Variants in VTA1 observed in about 807,000 individuals in gnomAD.
The protein encoded by VTA1 is vesicle trafficking 1, also known as vacuolar protein sorting-associated protein VTA1 homolog.
Under a neutral mutation model 36.9 loss-of-function variants are expected in VTA1, and 24 were observed. That is an observed-to-expected ratio of 0.65 (90% confidence interval 0.47 to 0.91). VTA1 has a LOEUF of 0.91. Among genes scored for constraint, VTA1 ranks in the 40% least tolerant of loss-of-function variants. The pLI is 0.00. For synonymous variants in VTA1, 142 were observed against 130.2 expected, an observed-to-expected ratio of 1.09 and a Z score of -0.62; for missense variants, 393 against 377.2, an observed-to-expected ratio of 1.04 and a Z score of -0.35.
At chr6:142,188,973 A>G (rs1009219460) in intron 4 of VTA1, among the ~76,000 whole-genome samples, 1 of 152,148 alleles carries the variant, frequency 6.6e-6, no homozygotes, top group African/African-American at 2.4e-5. Context: ...TCAGTCTAGC[A>G]TTTGCTTTAA....
intron 4 of VTA1, among the ~76,000 whole-genome samples, chr6:142,188,039 CT>C (rs1307936410): frequency 6.7e-6 from 1 of 149,890 alleles, no homozygotes; most frequent in African/African-American, 2.5e-5. Context: ...TTTTGAGTAG[CT>C]GGGATTACAG....
chr6:142,224,315 A>G lies in VTA1; in HGVS notation c.*5672A>G, dbSNP rs564593750. ...TCGACCCCTCGGCTATGTTATTTGT[A>G]TTGTGATATAGGGGATATTCGGAGT... On this transcript the variant is annotated 3_prime_UTR_variant, in exon 8 of 8. Coordinates refer to ENST00000367630, the MANE Select transcript of VTA1 (RefSeq NM_016485.5). 2.8e-4 allele frequency: 42 copies of G among 152,220 alleles called. No individual in the cohort carries two copies. The highest frequency in any genetic ancestry group is 9.4e-4 in the African/African-American group (39 of 41,514). The allele number at this position is 152,220 out of a possible 1,614,324, so 9.4% of individuals were successfully genotyped here.
chr6:142,210,286 AC>A (rs1252060852), intron 7 of VTA1, among the ~76,000 whole-genome samples: 1 of 152,222 alleles, frequency 6.6e-6, no homozygotes, highest in African/African-American at 2.4e-5. Flanking sequence ...TTAAAGACTT[AC>A]ATCTGAAACC....
chr6:142,202,582 T>G (rs1017501663), intron 6 of VTA1, among the ~76,000 whole-genome samples: 1 of 152,118 alleles, frequency 6.6e-6, no homozygotes, highest in South Asian at 2.1e-4. Context: ...TAAAGTATAG[T>G]ATGCAGAACT....
rs554021061 is a variant in VTA1, at chr6:142,172,636, T to C, written c.411+2215T>C. Among the ~76,000 whole-genome samples the C allele has an allele frequency of 1.7e-4, 26 of 152,326 alleles. No homozygotes were observed. The South Asian group carries it at 3.9e-3, about 23-fold the overall frequency. The stretch of plus-strand genomic sequence containing the variant: ...CTTTTTAACTCCCTTTTACCTCATC[T>C]CCTGTTATTAATGATCCAAATTTTC... On this transcript the variant is annotated intron_variant, in intron 4 of 7. Transcript: ENST00000367630.
chr6:142,159,921 T>C (rs1774765203), intron 1 of VTA1, among the ~76,000 whole-genome samples: 1 of 152,198 alleles, frequency 6.6e-6, no homozygotes, highest in South Asian at 2.1e-4. Flanking sequence ...CTCTAGTATG[T>C]TAATGTCACT....
At position 142,219,027 on chromosome 6, in the gene VTA1, T is replaced by C. The variant is rs746507451; in HGVS notation, c.*384T>C. The stretch of plus-strand genomic sequence containing the variant: ...ACAAACAGATGATATTACTTTGCTA[T>C]AAAATTATAAATGTAACTTTTAATA... On this transcript the variant is annotated 3_prime_UTR_variant, in exon 8 of 8. Coordinates refer to ENST00000367630, the MANE Select transcript of VTA1 (RefSeq NM_016485.5). The C allele has an allele frequency of 3.5e-4, 53 of 153,572 alleles. No individual in the cohort carries two copies. Among genetic ancestry groups the C allele is most frequent in the Non-Finnish European group, 7.2e-5 (5 of 68,972 alleles). The allele number at this position is 153,572 out of a possible 1,614,324, so 9.5% of individuals were successfully genotyped here.
chr6:142,209,574 A>G (rs1775859897), intron 7 of VTA1, among the ~76,000 whole-genome samples: 1 of 150,916 alleles, frequency 6.6e-6, no homozygotes, highest in Non-Finnish European at 1.5e-5. Context: ...AAGAAAAACT[A>G]TATAAAATTC....
At chr6:142,162,720 A>C (rs1206859901) in intron 1 of VTA1, among the ~76,000 whole-genome samples, 3 of 152,188 alleles carry the variant, frequency 2.0e-5, no homozygotes, top group African/African-American at 7.2e-5. Context: ...GATGTAATAA[A>C]AAATTTAGAG....
At chr6:142,147,426 T>A (rs752923492) in intron 1 of VTA1, 27 bp downstream of exon 1, 3 of 1,604,762 alleles carry the variant, frequency 1.9e-6, no homozygotes, top group Non-Finnish European at 2.6e-6. Context: ...GGCCGCGCCC[T>A]TTCTTTCCCA....
At chr6:142,166,748 C>T (rs1481664190) in intron 2 of VTA1, among the ~76,000 whole-genome samples, 1 of 152,030 alleles carries the variant, frequency 6.6e-6, no homozygotes, top group Non-Finnish European at 1.5e-5. Context: ...CAGCCTCCCA[C>T]GTAGCTAGGA....
intron 7 of VTA1, among the ~76,000 whole-genome samples, chr6:142,217,313 T>C (rs894282968): frequency 2.0e-5 from 3 of 152,154 alleles, no homozygotes; most frequent in Admixed American, 6.5e-5. Context: ...AGTTTTAAAA[T>C]GTGGGAAATA....
intron 1 of VTA1, among the ~76,000 whole-genome samples, chr6:142,158,468 A>C (rs1014964751): frequency 5.9e-5 from 9 of 152,170 alleles, no homozygotes; most frequent in Admixed American, 2.0e-4. Context: ...TGACTAAATG[A>C]ATACATGATC....
At chr6:142,189,881 C>T (rs1381871568) in intron 5 of VTA1, among the ~76,000 whole-genome samples, 6 of 151,984 alleles carry the variant, frequency 3.9e-5, no homozygotes, top group African/African-American at 1.5e-4. Flanking sequence ...CTCAGCCTCC[C>T]GAGTAGCTGG....
intron 1 of VTA1, 93 bp downstream of exon 1, chr6:142,147,492 C>G (rs540219425): frequency 2.1e-5 from 28 of 1,324,226 alleles, no homozygotes; most frequent in Admixed American, 1.4e-4. Flanking sequence ...GCCCCGCCCC[C>G]CTCGCTTTAA....
At chr6:142,155,925 T>A (rs1251543726) in intron 1 of VTA1, among the ~76,000 whole-genome samples, 6 of 152,232 alleles carry the variant, frequency 3.9e-5, no homozygotes, top group African/African-American at 9.6e-5. Context: ...AGGCTTACAC[T>A]GTGCTACCAG....
intron 7 of VTA1, among the ~76,000 whole-genome samples, chr6:142,206,474 C>T (rs563123936): frequency 2.0e-5 from 3 of 152,262 alleles, no homozygotes; most frequent in South Asian, 2.1e-4. Flanking sequence ...ATGGAGATTT[C>T]GTGATCATGC....
chr6:142,174,202 G>T (rs1775076230), intron 4 of VTA1, among the ~76,000 whole-genome samples: 1 of 152,174 alleles, frequency 6.6e-6, no homozygotes, highest in Non-Finnish European at 1.5e-5. Flanking sequence ...ACTCCAACCT[G>T]TGGGAGCAGC....
At chr6:142,148,440 G>A (rs1161023024) in intron 1 of VTA1, among the ~76,000 whole-genome samples, 1 of 152,134 alleles carries the variant, frequency 6.6e-6, no homozygotes, top group Non-Finnish European at 1.5e-5. Flanking sequence ...ATTATTCTCT[G>A]TGCATTACTT....
Sources: allele counts gnomAD v4.1 joint callset (sites outside exome capture counted in the v4.1 genomes callset), GRCh38; gene constraint gnomAD v4.1.1; transcripts MANE v1.5; gene names NCBI Gene and HGNC (gene_info 2026-07-23, HGNC 2026-07-21).